The following BCKDHB variants were observed in gnomAD, a reference collection of about 807,000 sequenced individuals.
The protein encoded by BCKDHB is 2-oxoisovalerate dehydrogenase subunit beta, mitochondrial.
A neutral mutation model predicts 48.5 loss-of-function variants in BCKDHB; 41 were observed. That is an observed-to-expected ratio of 0.85 (90% CI 0.66 to 1.10). BCKDHB has a LOEUF of 1.10. BCKDHB is among the 50% of genes least tolerant of loss of function. BCKDHB has a pLI of 0.00. For missense variants in BCKDHB, 496 were observed against 494.2 expected, an observed-to-expected ratio of 1.00 and a Z score of -0.03; for synonymous variants, 201 against 174.8, an observed-to-expected ratio of 1.15 and a Z score of -1.18.
the BCKDHB span, among the ~76,000 whole-genome samples, chr6:80,364,067 T>G: frequency 6.6e-6 from 1 of 152,244 alleles, no homozygotes; most frequent in Admixed American, 6.5e-5. Context: ...ACTTTCTTCT[T>G]TATAAAGTTT....
At chr6:80,112,064 T>G (rs1420713539) in intron 1 of BCKDHB, among the ~76,000 whole-genome samples, 1 of 152,212 alleles carries the variant, frequency 6.6e-6, no homozygotes, top group Non-Finnish European at 1.5e-5. Flanking sequence ...AACTTGAAAA[T>G]TGCTTAGACT....
At chr6:80,273,256 T>G in intron 9 of BCKDHB, 35 bp downstream of exon 9, 1 of 1,521,536 alleles carries the variant, frequency 6.6e-7, no homozygotes, top group Non-Finnish European at 9.1e-7. Flanking sequence ...TCAATGCTTG[T>G]GCAATTCCAC....
intron 3 of BCKDHB, among the ~76,000 whole-genome samples, chr6:80,146,670 A>G (rs1422312259): frequency 6.6e-6 from 1 of 152,148 alleles, no homozygotes; most frequent in African/African-American, 2.4e-5. Flanking sequence ...TACATTAAAG[A>G]ATTGCCCAAA....
chr6:80,436,683 T>C, the BCKDHB span, among the ~76,000 whole-genome samples: 1 of 152,198 alleles, frequency 6.6e-6, no homozygotes, highest in Non-Finnish European at 1.5e-5. Context: ...TTGATAGTAT[T>C]ACTTATAGTG....
At chr6:80,200,316 AAAAGTAAGGTGTT>A (rs1464371395) in intron 6 of BCKDHB, among the ~76,000 whole-genome samples, 30 of 152,196 alleles carry the variant, frequency 2.0e-4, no homozygotes, top group African/African-American at 5.5e-4. Context: ...TTCAGCTTTG[AAAAGTAAGGTGTT>A]GTCAGTGACT....
At chr6:80,253,425 A>G (rs1776912250) in intron 8 of BCKDHB, among the ~76,000 whole-genome samples, 1 of 152,190 alleles carries the variant, frequency 6.6e-6, no homozygotes, top group Non-Finnish European at 1.5e-5. Flanking sequence ...TTGTGCACAC[A>G]TGCTGTTTAA....
At chr6:80,118,199 T>C (rs1471183829) in intron 1 of BCKDHB, among the ~76,000 whole-genome samples, 1 of 152,156 alleles carries the variant, frequency 6.6e-6, no homozygotes, top group East Asian at 1.9e-4. Context: ...TGGGTTTGGC[T>C]CCAGACCACT....
Position 80,345,363 on chromosome 6 carries a change from C to T in BCKDHB, c.*1559C>T, listed in dbSNP as rs1333227734. On this transcript the variant is annotated 3_prime_UTR_variant, in exon 10 of 10. Transcript: ENST00000320393. Reference sequence around the variant, plus strand: ...ACTCTGTATAATAGCACATTCTCTACTTTTTAAAGATCAGAAATGCTAGAA... The same window carrying T: ...ACTCTGTATAATAGCACATTCTCTATTTTTTAAAGATCAGAAATGCTAGAA... 3.9e-5 allele frequency: 6 copies of T among 152,150 alleles called. No homozygotes were observed. The highest frequency in any genetic ancestry group is 1.4e-4 in the African/African-American group (6 of 41,424). The allele number at this position is 152,150 out of a possible 1,614,324, so 9.4% of individuals were successfully genotyped here. A position where few individuals can be genotyped will look rare whatever the true frequency, so the allele number is the denominator to read the frequency against.
the BCKDHB span, among the ~76,000 whole-genome samples, chr6:80,365,462 C>A: frequency 3.3e-5 from 5 of 152,120 alleles, no homozygotes; most frequent in African/African-American, 9.6e-5. Flanking sequence ...ATTAATATTC[C>A]TTGCTAGGAA....
At chr6:80,202,981 T>G (rs1774466352) in intron 7 of BCKDHB, 121 bp from the exon 8 acceptor site, 4 of 739,644 alleles carry the variant, frequency 5.4e-6, no homozygotes, top group Non-Finnish European at 9.7e-6. Context: ...TTATAAATTC[T>G]CCATGCAGAT....
At chr6:80,352,011 G>C in the BCKDHB span, among the ~76,000 whole-genome samples, 2 of 151,982 alleles carry the variant, frequency 1.3e-5, no homozygotes, top group South Asian at 4.2e-4. Context: ...AGTAGAGACG[G>C]GGTTTCTCCA....
chr6:80,149,375 C>T (rs959242177), intron 3 of BCKDHB, among the ~76,000 whole-genome samples: 15 of 152,186 alleles, frequency 9.9e-5, no homozygotes, highest in Admixed American at 2.6e-4. Context: ...TTGCTGGGAC[C>T]GTAAACTGGT....
intron 1 of BCKDHB, among the ~76,000 whole-genome samples, chr6:80,109,269 A>G (rs1341663699): frequency 1.3e-5 from 2 of 152,212 alleles, no homozygotes; most frequent in Non-Finnish European, 2.9e-5. Context: ...ACATAAAACA[A>G]TGTCTATAAT....
intron 3 of BCKDHB, among the ~76,000 whole-genome samples, chr6:80,147,289 A>T (rs1260250704): frequency 6.6e-6 from 1 of 152,162 alleles, no homozygotes; most frequent in Non-Finnish European, 1.5e-5. Flanking sequence ...ATTGTGATTA[A>T]GTTTGAAGAA....
chr6:80,175,289 C>G (rs565855833), intron 6 of BCKDHB, among the ~76,000 whole-genome samples: 19 of 152,272 alleles, frequency 1.2e-4, no homozygotes, highest in Admixed American at 2.6e-4. Flanking sequence ...TCCCACGGGT[C>G]ACATCTAATC....
chr6:80,227,036 A>G (rs1775709921), intron 8 of BCKDHB, among the ~76,000 whole-genome samples: 1 of 152,206 alleles, frequency 6.6e-6, no homozygotes, highest in African/African-American at 2.4e-5. Context: ...CATTAAATAT[A>G]AAGGGTAAAC....
intron 8 of BCKDHB, among the ~76,000 whole-genome samples, chr6:80,213,234 T>C (rs1775019625): frequency 6.6e-6 from 1 of 152,178 alleles, no homozygotes; most frequent in Non-Finnish European, 1.5e-5. Flanking sequence ...ATTGAAATAT[T>C]TATTTAAAAG....
the BCKDHB span, among the ~76,000 whole-genome samples, chr6:80,416,695 C>A: frequency 6.6e-6 from 1 of 151,810 alleles, no homozygotes; most frequent in African/African-American, 2.4e-5. Context: ...TATTTTACTT[C>A]TGATTATGTG....
At chr6:80,373,993 T>A in the BCKDHB span, 5 of 599,120 alleles carry the variant, frequency 8.3e-6, no homozygotes, top group Admixed American at 9.8e-5. Flanking sequence ...TCCTTTTAAT[T>A]GCATTTATTT....
Sources: gnomAD v4.1 joint callset for allele counts (sites outside exome capture counted in the v4.1 genomes callset) on GRCh38, gnomAD v4.1.1 for gene constraint, MANE v1.5 for transcripts, NCBI Gene and HGNC (gene_info 2026-07-23, HGNC 2026-07-21) for gene names.